SGCZ: variants seen among roughly 807,000 people sequenced by gnomAD.
The protein encoded by SGCZ is zeta-sarcoglycan.
In SGCZ, 40 loss-of-function variants were observed where a neutral mutation model predicts 41.3. That is an observed-to-expected ratio of 0.97 (90% confidence interval 0.75 to 1.26). The LOEUF (loss-of-function observed/expected upper bound fraction) is 1.26, where lower values mean the gene tolerates loss of function less well. Among genes scored for constraint, SGCZ ranks in the 50% most tolerant of loss-of-function variants. SGCZ has a pLI of 0.00. For synonymous variants in SGCZ, 206 were observed against 137.5 expected (o/e 1.50, Z -3.49); for missense variants, 552 against 369.8 (o/e 1.49, Z -4.04).
At chr8:14,640,124 G>A (rs1806973692) in intron 1 of SGCZ, among the ~76,000 whole-genome samples, 3 of 151,512 alleles carry the variant, frequency 2.0e-5, no homozygotes, top group African/African-American at 7.3e-5. Flanking sequence ...TTACATTAAG[G>A]GAGGTTTAAA....
intron 1 of SGCZ, among the ~76,000 whole-genome samples, chr8:15,168,234 G>C (rs1274561306): frequency 6.6e-6 from 1 of 152,152 alleles, no homozygotes; most frequent in East Asian, 1.9e-4. Context: ...GGGTCTAAGG[G>C]ATTCAGAGGC....
chr8:14,940,111 C>A (rs946778788), intron 1 of SGCZ, among the ~76,000 whole-genome samples: 14 of 151,980 alleles, frequency 9.2e-5, no homozygotes, highest in Admixed American at 2.6e-4. Context: ...CCTTTTGAAC[C>A]CATCTATCCT....
chr8:15,072,070 T>C (rs1386960633), intron 1 of SGCZ, among the ~76,000 whole-genome samples: 1 of 152,148 alleles, frequency 6.6e-6, no homozygotes, highest in Non-Finnish European at 1.5e-5. Context: ...TCATAACCCA[T>C]TCAAAGTCTG....
At chr8:14,535,592 A>C (rs533812890) in intron 2 of SGCZ, among the ~76,000 whole-genome samples, 1 of 152,056 alleles carries the variant, frequency 6.6e-6, no homozygotes, top group South Asian at 2.1e-4. Flanking sequence ...CTTCTTTTGC[A>C]GTGTTAAGCC....
chr8:14,384,503 T>A (rs1305970097), intron 2 of SGCZ, among the ~76,000 whole-genome samples: 1 of 152,202 alleles, frequency 6.6e-6, no homozygotes, highest in African/African-American at 2.4e-5. Context: ...AGGGAAATAT[T>A]TTATTTAAAA....
intron 1 of SGCZ, among the ~76,000 whole-genome samples, chr8:15,151,974 T>C (rs897314900): frequency 6.6e-6 from 1 of 152,224 alleles, no homozygotes. Flanking sequence ...TGACGTGATA[T>C]TAAGTGATTC....
chr8:14,603,202 G>A (rs916360507), intron 1 of SGCZ, among the ~76,000 whole-genome samples: 1 of 152,008 alleles, frequency 6.6e-6, no homozygotes, highest in African/African-American at 2.4e-5. Flanking sequence ...GAAATAAACG[G>A]CTTTTTTGAT....
chr8:14,296,161 A>T (rs151013083), intron 3 of SGCZ, among the ~76,000 whole-genome samples: 89 of 152,314 alleles, frequency 5.8e-4, no homozygotes, highest in Non-Finnish European at 1.0e-3. Context: ...AACAAGATCT[A>T]TCTGATCTGG....
At chr8:14,406,640 G>A (rs1247782419) in intron 2 of SGCZ, among the ~76,000 whole-genome samples, 1 of 152,100 alleles carries the variant, frequency 6.6e-6, no homozygotes, top group Non-Finnish European at 1.5e-5. Flanking sequence ...GTACAGGGCA[G>A]AAGCGCCTCC....
chr8:14,197,927 C>G (rs972683674), intron 4 of SGCZ, among the ~76,000 whole-genome samples: 2 of 151,982 alleles, frequency 1.3e-5, no homozygotes, highest in Non-Finnish European at 2.9e-5. Context: ...TATAAAGTTA[C>G]TAAAAGAATG....
At chr8:14,425,643 A>AAG (rs973889427) in intron 2 of SGCZ, among the ~76,000 whole-genome samples, 8 of 53,812 alleles carry the variant, frequency 1.5e-4, no homozygotes, top group African/African-American at 8.9e-4. Context: ...AAAAAGAAAA[A>AAG]AAAAAAGAAA....
chr8:14,873,824 C>A (rs1420616985), intron 1 of SGCZ, among the ~76,000 whole-genome samples: 1 of 152,032 alleles, frequency 6.6e-6, no homozygotes, highest in African/African-American at 2.4e-5. Flanking sequence ...GGAATAGGAA[C>A]CTTTAAAAAT....
chr8:14,683,889 T>G (rs892975218), intron 1 of SGCZ, among the ~76,000 whole-genome samples: 3 of 152,242 alleles, frequency 2.0e-5, no homozygotes, highest in African/African-American at 7.2e-5. Flanking sequence ...AAACGTACCA[T>G]CAACTATAGA....
At chr8:15,097,877 TATATAC>T (rs1436368516) in intron 1 of SGCZ, among the ~76,000 whole-genome samples, 2 of 44,872 alleles carry the variant, frequency 4.5e-5, no homozygotes, top group East Asian at 7.7e-4. Context: ...TATATATATA[TATATAC>T]GTGTGTATAT....
At chr8:14,946,077 G>A (rs1250996975) in intron 1 of SGCZ, among the ~76,000 whole-genome samples, 11 of 82,740 alleles carry the variant, frequency 1.3e-4, no homozygotes, top group Non-Finnish European at 2.5e-4. Flanking sequence ...TATACTATTG[G>A]TTCTGTCCTA....
intron 1 of SGCZ, among the ~76,000 whole-genome samples, chr8:15,000,569 G>C (rs186884828): frequency 2.2e-4 from 34 of 152,280 alleles, no homozygotes; most frequent in African/African-American, 8.2e-4. Flanking sequence ...CCAGGGACTA[G>C]ACATGTTCAA....
Position 14,455,488 on chromosome 8 carries a change from A to G in SGCZ, c.234+99244T>C, listed in dbSNP as rs537060871. ...CACACACACACACACACACACACACACACGCATATACACACTTCTCTTTCC... is the reference window on the plus strand; with the variant it reads ...CACACACACACACACACACACACACGCACGCATATACACACTTCTCTTTCC... On this transcript the variant is annotated intron_variant, in intron 2 of 7. Coordinates refer to ENST00000382080, the MANE Select transcript of SGCZ (RefSeq NM_139167.4). 8.0e-5 allele frequency among the ~76,000 whole-genome samples: 12 copies of G among 150,930 alleles called. No homozygotes were observed. The South Asian group carries it at 2.5e-3, about 32-fold the overall frequency.
chr8:14,894,380 T>C (rs928604741), intron 1 of SGCZ, among the ~76,000 whole-genome samples: 26 of 152,212 alleles, frequency 1.7e-4, no homozygotes, highest in African/African-American at 6.0e-4. Flanking sequence ...TGGGCAAAGA[T>C]AATTGAATGT....
chr8:14,762,139 G>A (rs764750601), intron 1 of SGCZ, among the ~76,000 whole-genome samples: 3 of 152,106 alleles, frequency 2.0e-5, no homozygotes, highest in Non-Finnish European at 4.4e-5. Flanking sequence ...TTCTAATAGA[G>A]ATTGCATGAA....
Sources: allele counts gnomAD v4.1 joint callset (sites outside exome capture counted in the v4.1 genomes callset), GRCh38; gene constraint gnomAD v4.1.1; transcripts MANE v1.5; gene names NCBI Gene and HGNC (gene_info 2026-07-23, HGNC 2026-07-21).